HSD3B1: variants seen among roughly 807,000 people sequenced by gnomAD.
HSD3B1 encodes hydroxy-delta-5-steroid dehydrogenase, 3 beta- and steroid delta-isomerase 1.
Under a neutral mutation model 10.4 loss-of-function variants are expected in HSD3B1, and 11 were observed. That is an observed-to-expected ratio of 1.05 (90% confidence interval 0.66 to 1.75). HSD3B1 has a LOEUF of 1.75. Ranked by LOEUF, HSD3B1 falls within the 40% of genes most tolerant of loss-of-function variation. The probability of loss-of-function intolerance (pLI) is 0.00; values close to 1 mark genes in which losing one functional copy is unlikely to be tolerated. For synonymous variants in HSD3B1, 217 were observed against 185.4 expected (o/e 1.17, Z -1.39); for missense variants, 490 against 454.5 (o/e 1.08, Z -0.71).
rs775619459 is a variant in HSD3B1 at position 119,514,059 on chromosome 1, C to G, written c.536C>G (p.Thr179Ser). The change falls in exon 4 of 4, where the codon ACC becomes AGC. Residue 179 changes from threonine to serine, a missense_variant. Coordinates refer to ENST00000369413, the MANE Select transcript of HSD3B1 (RefSeq NM_000862.3). ...ANGWNLKNGG[T>S]LYTCALRPMY... Reference sequence around the variant, plus strand: ...GGGTGGAATCTGAAAAACGGCGGCACCCTGTACACTTGTGCCTTACGACCC... The same window carrying G: ...GGGTGGAATCTGAAAAACGGCGGCAGCCTGTACACTTGTGCCTTACGACCC... The G allele has an allele frequency of 2.1e-5, 34 of 1,614,016 alleles. No homozygotes were observed. Among genetic ancestry groups the G allele is most frequent in the Non-Finnish European group, 2.8e-5 (33 of 1,180,024 alleles).
chr1:119,511,660 T>C lies in HSD3B1; in HGVS notation c.303T>C (p.Asn101=). 1.2e-6 allele frequency: 2 copies of C among 1,613,476 alleles called. No homozygotes were observed. The highest frequency in any genetic ancestry group is 1.7e-6 in the Non-Finnish European group (2 of 1,179,600). Residue 101 remains asparagine (N), a synonymous_variant, in exon 3 of 4, where the codon AAT becomes AAC. Transcript: ENST00000369413. ...VTHRESIMNV[N]VKGTQLLLEA... ...ACAGAGAGTCTATCATGAATGTCAATGTGAAAGGTATGGTAGGCTGGGGAG... is the reference window on the plus strand; with the variant it reads ...ACAGAGAGTCTATCATGAATGTCAACGTGAAAGGTATGGTAGGCTGGGGAG...
intron 3 of HSD3B1, among the ~76,000 whole-genome samples, chr1:119,512,992 G>A (rs148706767): frequency 2.8e-4 from 42 of 152,268 alleles, no homozygotes; most frequent in South Asian, 1.2e-3. Context: ...GTACCTCCAT[G>A]AGCTTTGCTT....
Position 119,514,112 on chromosome 1 carries a change from T to C in HSD3B1, c.589T>C (p.Phe197Leu). The part of the protein sequence containing the change: ...PMYIYGEGSR[F>L]LSASINEALN... ...GTATATCTATGGGGAAGGAAGCCGA[T>C]TCCTTTCTGCTAGTATAAACGAGGC... Residue 197 changes from phenylalanine (F) to leucine (L), a missense_variant, in exon 4 of 4, where the codon TTC (phenylalanine) becomes CTC (leucine). By Grantham distance (22) the Phe-to-Leu change is conservative. Coordinates refer to ENST00000369413, the MANE Select transcript of HSD3B1 (RefSeq NM_000862.3). 1 of 1,614,102 alleles carries C rather than the reference T, an allele frequency of 6.2e-7. No homozygotes were observed. Among genetic ancestry groups the C allele is most frequent in the South Asian group, 1.1e-5 (1 of 91,072 alleles).
chr1:119,511,668 G>T lies in HSD3B1; in HGVS notation c.310+1G>T. 3 of 1,613,468 alleles carry T rather than the reference G, an allele frequency of 1.9e-6. No homozygotes were observed. Among genetic ancestry groups the T allele is most frequent in the Non-Finnish European group, 2.5e-6 (3 of 1,179,488 alleles). On this transcript the variant is annotated splice_donor_variant, in intron 3 of 3. Transcript: ENST00000369413. LOFTEE classifies it high-confidence loss of function. The stretch of plus-strand genomic sequence containing the variant: ...TCTATCATGAATGTCAATGTGAAAG[G>T]TATGGTAGGCTGGGGAGGAGATGCA...
Position 119,509,525 on chromosome 1 carries a change from TGAAGTGGCAGCAAAGAA to T in HSD3B1, c.145+1909_145+1925del, listed in dbSNP as rs587702396. 1.4e-4 allele frequency among the ~76,000 whole-genome samples: 21 copies of T among 152,306 alleles called. No homozygotes were observed. The East Asian group carries it at 4.0e-3, about 29-fold the overall frequency. On this transcript the variant is annotated intron_variant, in intron 2 of 3. Coordinates refer to ENST00000369413, the MANE Select transcript of HSD3B1 (RefSeq NM_000862.3). ...TGACACTCCTTTGAGCCAGTCTGTC[TGAAGTGGCAGCAAAGAA>T]GAAGCAGAGGAAGGCAGCAGGAAGG...
intron 2 of HSD3B1, among the ~76,000 whole-genome samples, chr1:119,511,205 T>C (rs587596469): frequency 1.3e-5 from 2 of 152,324 alleles, no homozygotes; most frequent in East Asian, 3.9e-4. Context: ...CTTAGAAAAT[T>C]TGATGGGCTT....
chr1:119,513,754 TG>T, intron 3 of HSD3B1, 79 bp from the exon 4 acceptor site: 1 of 1,310,318 alleles, frequency 7.6e-7, no homozygotes, highest in Non-Finnish European at 1.1e-6. Flanking sequence ...GAGTGGGGGG[TG>T]GGGCACATAG....
rs72469588 is a variant in HSD3B1 at position 119,509,736 on chromosome 1, T to A, written c.146-1767T>A. 3.5e-4 allele frequency among the ~76,000 whole-genome samples: 54 copies of A among 152,312 alleles called. No individual in the cohort carries two copies. In the East Asian group the frequency reaches 0.01, roughly 29 times the overall value. On this transcript the variant is annotated intron_variant, in intron 2 of 3. Transcript: ENST00000369413. ...ATGGCAGAGGCATCAGGAGAGCAAGTGGTCCTGCTTGTACCCCAGGAAGGA... is the reference window on the plus strand; with the variant it reads ...ATGGCAGAGGCATCAGGAGAGCAAGAGGTCCTGCTTGTACCCCAGGAAGGA...
chr1:119,511,933 T>C (rs1653949767), intron 3 of HSD3B1: 1 of 421,324 alleles, frequency 2.4e-6, no homozygotes, highest in African/African-American at 2.0e-5. Context: ...CTCATCCCTG[T>C]GTGACTCCAA....
chr1:119,510,519 C>T (rs1332577881), intron 2 of HSD3B1, among the ~76,000 whole-genome samples: 1 of 151,954 alleles, frequency 6.6e-6, no homozygotes, highest in Non-Finnish European at 1.5e-5. Context: ...GTATATCTCT[C>T]CCCTCCTCTG....
Position 119,511,583 on chromosome 1 carries a change from G to T in HSD3B1, c.226G>T (p.Val76Phe). The change falls in exon 3 of 4, where the codon GTC becomes TTC. Residue 76 changes from valine (V) to phenylalanine (F), a missense_variant. By Grantham distance (50) the Val-to-Phe change is conservative (BLOSUM62 -1). Transcript: ENST00000369413. The stretch of plus-strand genomic sequence containing the variant: ...ATTCCTGAAGAGAGCCTGCCAGGAC[G>T]TCTCGGTCATCATCCACACCGCCTG... ...EPFLKRACQD[V>F]SVIIHTACII... The T allele has an allele frequency of 1.2e-6, 2 of 1,613,110 alleles. No individual in the cohort carries two copies. The highest frequency in any genetic ancestry group is 1.1e-5 in the South Asian group (1 of 91,044).
chr1:119,514,333 C>A lies in HSD3B1; in HGVS notation c.810C>A (p.Tyr270Ter), dbSNP rs756200955. 4 of 1,614,152 alleles carry A rather than the reference C, an allele frequency of 2.5e-6. No homozygotes were observed. The South Asian group carries it at 4.4e-5, about 18-fold the overall frequency. ...ACCAAAGCTATGATAACCTTAATTA[C>A]ACCCTGAGCAAAGAGTTCGGCCTCC... Reference protein sequence around the residue: ...TPHQSYDNLNYTLSKEFGLRL... With the variant: ...TPHQSYDNLN The change falls in exon 4 of 4, where the codon TAC becomes TAA. Residue 270 changes from tyrosine (Y) to a stop codon, truncating the protein, a stop_gained. Transcript: ENST00000369413. LOFTEE classifies it low-confidence loss of function (END_TRUNC).
Position 119,514,520 on chromosome 1 carries a change from A to G in HSD3B1, c.997A>G (p.Lys333Glu). 1 of 1,614,036 alleles carries G rather than the reference A, an allele frequency of 6.2e-7. No individual in the cohort carries two copies. Reference sequence around the variant, plus strand: ...TAGCGTATTCACCTTCTCTTATAAGAAGGCTCAGCGAGATCTGGCGTATAA... The same window carrying G: ...TAGCGTATTCACCTTCTCTTATAAGGAGGCTCAGCGAGATCTGGCGTATAA... ...SNSVFTFSYK[K>E]AQRDLAYKPL... The change falls in exon 4 of 4, where the codon AAG becomes GAG. Residue 333 changes from lysine to glutamate, a missense_variant. Coordinates refer to ENST00000369413, the MANE Select transcript of HSD3B1 (RefSeq NM_000862.3).
At chr1:119,512,773 T>C (rs1158742367) in intron 3 of HSD3B1, among the ~76,000 whole-genome samples, 1 of 152,130 alleles carries the variant, frequency 6.6e-6, no homozygotes, top group East Asian at 1.9e-4. Context: ...GCTTAGAAAA[T>C]ACTTCACAAT....
intron 2 of HSD3B1, among the ~76,000 whole-genome samples, chr1:119,510,945 C>A (rs1232364008): frequency 6.6e-6 from 1 of 151,652 alleles, no homozygotes; most frequent in Non-Finnish European, 1.5e-5. Flanking sequence ...GGGATTTCCC[C>A]ATGTTGTCCA....
chr1:119,508,185 G>T (rs189605024), intron 2 of HSD3B1, among the ~76,000 whole-genome samples: 1 of 151,710 alleles, frequency 6.6e-6, no homozygotes, highest in Non-Finnish European at 1.5e-5. Flanking sequence ...AGAGAGAGTC[G>T]GGGAGAGAGA....
intron 2 of HSD3B1, among the ~76,000 whole-genome samples, chr1:119,509,132 AT>A (rs1653870385): frequency 6.6e-6 from 1 of 152,140 alleles, no homozygotes; most frequent in Non-Finnish European, 1.5e-5. Context: ...TAACAACCCT[AT>A]GAGATCGGTA....
chr1:119,509,731 G>A (rs1243627161), intron 2 of HSD3B1, among the ~76,000 whole-genome samples: 1 of 152,198 alleles, frequency 6.6e-6, no homozygotes, highest in Admixed American at 6.5e-5. Context: ...CATCAGGAGA[G>A]CAAGTGGTCC....
Position 119,511,510 on chromosome 1 carries a change from G to T in HSD3B1, c.153G>T (p.Gln51His), listed in dbSNP as rs377750513. The change falls in exon 3 of 4, where the codon CAG (glutamine) becomes CAT (histidine). Residue 51 changes from glutamine (Q) to histidine (H), a missense_variant. Physicochemically the swap from Gln to His is conservative, Grantham distance 24. Transcript: ENST00000369413. ...PELREEFSKL[Q>H]NKTKLTVLEG... ...TGACCTGTGTTCACACAGAACTCCAGAACAAGACCAAGCTGACAGTGCTGG... is the reference window on the plus strand; with the variant it reads ...TGACCTGTGTTCACACAGAACTCCATAACAAGACCAAGCTGACAGTGCTGG... 1.1e-5 allele frequency: 17 copies of T among 1,613,596 alleles called. No homozygotes were observed. The highest frequency in any genetic ancestry group is 1.4e-5 in the Non-Finnish European group (16 of 1,179,774).
Sources: gnomAD v4.1 joint callset for allele counts (sites outside exome capture counted in the v4.1 genomes callset) on GRCh38, gnomAD v4.1.1 for gene constraint, MANE v1.5 for transcripts, NCBI Gene and HGNC (gene_info 2026-07-23, HGNC 2026-07-21) for gene names.